Variants in RARB observed in about 807,000 individuals in gnomAD.
The protein encoded by RARB is HBV-activated protein.
RARB carries 17 observed loss-of-function variants against 51.9 expected under a neutral mutation model. That is an observed-to-expected ratio of 0.33 (90% CI 0.22 to 0.49). The LOEUF is 0.49. Among genes scored for constraint, RARB ranks in the 20% least tolerant of loss-of-function variants. The pLI is 0.99. For synonymous variants in RARB, 215 were observed against 195.4 expected, an observed-to-expected ratio of 1.10 and a Z score of -0.84; for missense variants, 369 against 550.8, an observed-to-expected ratio of 0.67 and a Z score of 3.30.
chr3:25,213,386 T>A (rs763607162), intron 5 of RARB, among the ~76,000 whole-genome samples: 1 of 152,228 alleles, frequency 6.6e-6, no homozygotes, highest in African/African-American at 2.4e-5. Flanking sequence ...TATTGTCCTA[T>A]GTAGCTATGG....
At chr3:25,232,685 C>T (rs1381483867) in intron 5 of RARB, among the ~76,000 whole-genome samples, 1 of 152,012 alleles carries the variant, frequency 6.6e-6, no homozygotes, top group Admixed American at 6.6e-5. Context: ...AGATGGTCCC[C>T]AACTTATGAT....
At chr3:25,538,686 A>G (rs1475737805) in intron 3 of RARB, among the ~76,000 whole-genome samples, 2 of 152,208 alleles carry the variant, frequency 1.3e-5, no homozygotes, top group African/African-American at 4.8e-5. Context: ...GTATTTGTCC[A>G]TGATAAATTA....
intron 2 of RARB, among the ~76,000 whole-genome samples, chr3:24,973,600 TTC>T (rs1365088903): frequency 2.6e-5 from 4 of 152,122 alleles, no homozygotes; most frequent in Non-Finnish European, 4.4e-5. Flanking sequence ...TGGAATATCT[TTC>T]CACTTTTTTG....
At chr3:25,157,561 C>T (rs1246147151) in intron 4 of RARB, among the ~76,000 whole-genome samples, 1 of 89,820 alleles carries the variant, frequency 1.1e-5, no homozygotes, top group East Asian at 4.3e-4. Context: ...CAACACCCAG[C>T]TAATTTTTTA....
In RARB at chr3:25,069,475, G is replaced by A. The variant is rs116393321; in HGVS notation, c.-328+9299G>A. Among the ~76,000 whole-genome samples the A allele has an allele frequency of 6.8e-3, 1,040 of 152,232 alleles. 13 individuals are homozygous for A. Among genetic ancestry groups the A allele is most frequent in the African/African-American group, 0.022 (922 of 41,544 alleles). On this transcript the variant is annotated intron_variant, in intron 3 of 11. Transcript: ENST00000383772. ...TTATATGCTGGATCATTCCACCCAAGCAAGGAATGATTTCCTATTGAATAG... is the reference window on the plus strand; with the variant it reads ...TTATATGCTGGATCATTCCACCCAAACAAGGAATGATTTCCTATTGAATAG...
At chr3:25,054,710 A>G (rs58395719) in intron 2 of RARB, among the ~76,000 whole-genome samples, 1,592 of 129,832 alleles carry the variant, frequency 0.012, 36 homozygotes, top group African/African-American at 0.041. Context: ...ATGGAGCACA[A>G]ACTGTGGAGC....
intron 4 of RARB, among the ~76,000 whole-genome samples, chr3:25,166,870 C>T (rs555248132): frequency 6.6e-6 from 1 of 152,314 alleles, no homozygotes; most frequent in Admixed American, 6.5e-5. Flanking sequence ...TGGCATTTCA[C>T]ATTATCCACT....
chr3:24,867,397 T>C (rs192862640), intron 2 of RARB, among the ~76,000 whole-genome samples: 98 of 152,294 alleles, frequency 6.4e-4, no homozygotes, highest in African/African-American at 2.4e-3. Flanking sequence ...TTCTCACTAT[T>C]AATAATTTTT....
chr3:24,942,055 T>A (rs540443967), intron 2 of RARB, among the ~76,000 whole-genome samples: 1 of 152,224 alleles, frequency 6.6e-6, no homozygotes, highest in Non-Finnish European at 1.5e-5. Context: ...TTCTTAGATA[T>A]TTTTTGGTCC....
chr3:24,833,899 T>C (rs1481947956), intron 1 of RARB, among the ~76,000 whole-genome samples: 3 of 152,234 alleles, frequency 2.0e-5, no homozygotes, highest in Admixed American at 2.0e-4. Flanking sequence ...TATCTCACCT[T>C]TGTTCACCTC....
chr3:25,196,435 G>A (rs1300934005), intron 5 of RARB, among the ~76,000 whole-genome samples: 1 of 152,120 alleles, frequency 6.6e-6, no homozygotes, highest in Non-Finnish European at 1.5e-5. Context: ...ATTCCACAGT[G>A]TATATGTGCC....
At chr3:25,238,151 C>CG (rs145299151) in intron 5 of RARB, among the ~76,000 whole-genome samples, 1,545 of 151,292 alleles carry the variant, frequency 0.01, 24 homozygotes, top group East Asian at 0.04. Flanking sequence ...TCCTCCAGCG[C>CG]CCCCCCACAC....
chr3:24,835,599 A>G (rs2125327867), intron 1 of RARB, among the ~76,000 whole-genome samples: 1 of 152,334 alleles, frequency 6.6e-6, no homozygotes, highest in Non-Finnish European at 1.5e-5. Flanking sequence ...AACAAGGTTA[A>G]ATGACTGGAA....
intron 5 of RARB, among the ~76,000 whole-genome samples, chr3:25,348,902 A>G (rs1659733325): frequency 6.6e-6 from 1 of 152,186 alleles, no homozygotes; most frequent in East Asian, 1.9e-4. Context: ...TATGAAGCCT[A>G]TGCTGCTGGA....
At chr3:25,384,378 A>G (rs763414944) in intron 5 of RARB, among the ~76,000 whole-genome samples, 4 of 152,200 alleles carry the variant, frequency 2.6e-5, no homozygotes, top group Non-Finnish European at 4.4e-5. Context: ...ATAGGGTGGA[A>G]TATGAGCAGC....
At chr3:25,235,359 A>G (rs890343820) in intron 5 of RARB, among the ~76,000 whole-genome samples, 4 of 152,138 alleles carry the variant, frequency 2.6e-5, no homozygotes, top group Non-Finnish European at 5.9e-5. Flanking sequence ...TCAGAAGAAC[A>G]GATGCTTCTG....
intron 3 of RARB, among the ~76,000 whole-genome samples, chr3:25,506,276 A>AAAAAAAC (rs1491557008): frequency 7.8e-6 from 1 of 128,270 alleles, no homozygotes; most frequent in Non-Finnish European, 1.6e-5. Context: ...AAAAAAAAAA[A>AAAAAAAC]CCAGCTCTTT....
chr3:25,256,803 TG>T (rs1420202138), intron 5 of RARB, among the ~76,000 whole-genome samples: 1 of 149,894 alleles, frequency 6.7e-6, no homozygotes, highest in Non-Finnish European at 1.5e-5. Flanking sequence ...TGTTAAAGTA[TG>T]GAAAAAAAAA....
intron 2 of RARB, among the ~76,000 whole-genome samples, chr3:24,912,066 T>TTTACTTA (rs1694999972): frequency 6.6e-6 from 1 of 152,240 alleles, no homozygotes; most frequent in South Asian, 2.1e-4. Flanking sequence ...CTTATGCACA[T>TTTACTTA]GGTCGCTAAA....
Sources: allele counts gnomAD v4.1 joint callset (sites outside exome capture counted in the v4.1 genomes callset), GRCh38; gene constraint gnomAD v4.1.1; transcripts MANE v1.5; gene names NCBI Gene and HGNC (gene_info 2026-07-23, HGNC 2026-07-21).